The following NAV1 variants were observed in gnomAD, a reference collection of about 807,000 sequenced individuals.
NAV1 encodes the protein pore membrane and/or filament interacting like protein 3.
A neutral mutation model predicts 175.2 loss-of-function variants in NAV1; 18 were observed. The observed-to-expected ratio is 0.10, with a 90% CI of 0.07 to 0.15. NAV1 has a LOEUF of 0.15. NAV1 is among the 10% of genes least tolerant of loss of function. The pLI, the probability that NAV1 is intolerant of heterozygous loss-of-function variation, is 1.00. For missense variants in NAV1, 1,731 were observed against 2,436.6 expected, an observed-to-expected ratio of 0.71 and a Z score of 6.10; for synonymous variants, 897 against 978.7, an observed-to-expected ratio of 0.92 and a Z score of 1.56.
intron 2 of NAV1, among the ~76,000 whole-genome samples, chr1:201,595,864 C>T (rs1558011406): frequency 6.6e-6 from 1 of 152,258 alleles, no homozygotes; most frequent in Non-Finnish European, 1.5e-5. Context: ...CATGTCCTTC[C>T]TGATGCAGCA....
rs1553247042 is a variant in NAV1 at position 201,642,517 on chromosome 1, C to CTTTCTCTTTCTTTCTTTCTT, written c.5-6112_5-6111insCTTTCTTTCTTTCTTTTTCT. ...GTGAGCCACCGCACCCGGCCTCTTTCTTTCTTTTTTTCTTTCTTTCTTTCT... is the reference window on the plus strand; with the variant it reads ...GTGAGCCACCGCACCCGGCCTCTTTCTTTCTCTTTCTTTCTTTCTTTTTCTTTTTTTCTTTCTTTCTTTCT... On this transcript the variant is annotated intron_variant, in intron 2 of 29. Coordinates refer to the NAV1 transcript ENST00000367302. Among the ~76,000 whole-genome samples the CTTTCTCTTTCTTTCTTTCTT allele has an allele frequency of 5.9e-3, 698 of 118,428 alleles. 17 individuals are homozygous for CTTTCTCTTTCTTTCTTTCTT. The highest frequency in any genetic ancestry group is 0.024 in the African/African-American group (655 of 27,344). The allele number at this position is 118,428 out of a possible 152,430, so 77.7% of individuals were successfully genotyped here. A position where few individuals can be genotyped will look rare whatever the true frequency, so the allele number is the denominator to read the frequency against.
At chr1:201,705,354 T>C (rs887334630) in intron 1 of NAV1, among the ~76,000 whole-genome samples, 5 of 152,220 alleles carry the variant, frequency 3.3e-5, no homozygotes, top group African/African-American at 1.2e-4. Context: ...TTTTCTTTCC[T>C]TGCCTCACAC....
intron 1 of NAV1, among the ~76,000 whole-genome samples, chr1:201,564,167 C>T (rs1415216021): frequency 6.7e-6 from 1 of 149,846 alleles, no homozygotes; most frequent in Non-Finnish European, 1.5e-5. Context: ...GGAAGGCAGG[C>T]AGGCAGGCAG....
intron 1 of NAV1, among the ~76,000 whole-genome samples, chr1:201,708,005 G>A (rs922721095): frequency 1.3e-5 from 2 of 152,150 alleles, no homozygotes; most frequent in Admixed American, 1.3e-4. Flanking sequence ...AATGCCTCGT[G>A]GTGAACATTG....
At position 201,635,925 on chromosome 1, in the gene NAV1, A is replaced by G. The variant is rs531428736; in HGVS notation, c.4+6418A>G. ...GAATCTCTCCAGCTCAGACTGCTCC[A>G]TACAGCTTTAGAGGTTGTTATCCAG... On this transcript the variant is annotated intron_variant, in intron 2 of 29. Coordinates refer to the NAV1 transcript ENST00000367302. Among the ~76,000 whole-genome samples, 18 of 152,376 alleles carry G rather than the reference A, an allele frequency of 1.2e-4. No individual in the cohort carries two copies. The East Asian group carries it at 3.3e-3, about 28-fold the overall frequency.
intron 1 of NAV1, among the ~76,000 whole-genome samples, chr1:201,626,752 T>C (rs1325948353): frequency 6.6e-6 from 1 of 152,184 alleles, no homozygotes; most frequent in Non-Finnish European, 1.5e-5. Flanking sequence ...TGGACTTCAA[T>C]TGGAACTATG....
At chr1:201,695,286 C>T (rs1287007209) in intron 1 of NAV1, among the ~76,000 whole-genome samples, 1 of 152,246 alleles carries the variant, frequency 6.6e-6, no homozygotes, top group Non-Finnish European at 1.5e-5. Flanking sequence ...TTTCTCCTCT[C>T]CGGGCCCTTA....
At chr1:201,571,008 C>T (rs902733240) in intron 1 of NAV1, among the ~76,000 whole-genome samples, 1 of 152,276 alleles carries the variant, frequency 6.6e-6, no homozygotes, top group Admixed American at 6.5e-5. Flanking sequence ...TCCACCCCTG[C>T]CAGGGTCGAG....
At chr1:201,784,508 C>T (rs980645372) in intron 7 of NAV1, among the ~76,000 whole-genome samples, 2 of 151,924 alleles carry the variant, frequency 1.3e-5, no homozygotes, top group African/African-American at 4.8e-5. Flanking sequence ...CTCCCTTCCC[C>T]CTATATGCCA....
intron 3 of NAV1, among the ~76,000 whole-genome samples, chr1:201,752,623 T>A (rs543040636): frequency 5.7e-4 from 86 of 152,024 alleles, no homozygotes; most frequent in African/African-American, 1.9e-3. Flanking sequence ...TTTTTTTTTT[T>A]AATTGCTCTG....
At chr1:201,557,410 G>A (rs1299005907) in intron 1 of NAV1, among the ~76,000 whole-genome samples, 2 of 152,202 alleles carry the variant, frequency 1.3e-5, no homozygotes, top group South Asian at 2.1e-4. Context: ...CACATGCAAG[G>A]AATTAGGGGC....
At chr1:201,806,976 A>G (rs552134752) in intron 17 of NAV1, among the ~76,000 whole-genome samples, 3 of 152,114 alleles carry the variant, frequency 2.0e-5, no homozygotes, top group Non-Finnish European at 2.9e-5. Context: ...TTTGTCCCCT[A>G]TAACCTTTGA....
chr1:201,609,673 G>A (rs574373623), intron 2 of NAV1, among the ~76,000 whole-genome samples: 13 of 152,268 alleles, frequency 8.5e-5, no homozygotes, highest in African/African-American at 3.1e-4. Flanking sequence ...TCTGGCTGGC[G>A]GCTTGGGGGT....
At chr1:201,596,031 G>A (rs590877) in intron 2 of NAV1, among the ~76,000 whole-genome samples, 8 of 152,062 alleles carry the variant, frequency 5.3e-5, no homozygotes, top group Non-Finnish European at 1.2e-4. Flanking sequence ...AAATCTTAGC[G>A]ACCCCACGTC....
intron 2 of NAV1, among the ~76,000 whole-genome samples, chr1:201,638,283 T>C (rs1017280786): frequency 6.6e-6 from 1 of 152,166 alleles, no homozygotes; most frequent in Non-Finnish European, 1.5e-5. Context: ...CCCCAGGACA[T>C]AGGTCATGGG....
chr1:201,687,016 A>G (rs1294555108), intron 1 of NAV1, among the ~76,000 whole-genome samples: 1 of 152,228 alleles, frequency 6.6e-6, no homozygotes. Context: ...GAAACCTTTC[A>G]GCTCCTTGCC....
chr1:201,621,054 G>A (rs954989693), upstream of NAV1, among the ~76,000 whole-genome samples: 2 of 151,864 alleles, frequency 1.3e-5, no homozygotes, highest in African/African-American at 4.8e-5. Flanking sequence ...CCAAGTAGTG[G>A]GACTACAGGC....
intron 3 of NAV1, among the ~76,000 whole-genome samples, chr1:201,725,601 A>G (rs989302540): frequency 6.7e-6 from 1 of 149,090 alleles, no homozygotes. Flanking sequence ...GTGAGCTATG[A>G]TTGTGCCACT....
At position 201,813,396 on chromosome 1, in the gene NAV1, G is replaced by A; in HGVS notation, c.5340+138G>A. On this transcript the variant is annotated intron_variant, in intron 28 of 29. Transcript: ENST00000367296. The surrounding 1 kb of genome is among the most constrained non-coding windows in gnomAD (Gnocchi z 4.2). ...TCTAACAGGTGGAGCAAGGCACTGG[G>A]TAGACTAAGCTGCTTTCCTGCCTCC... 2 of 618,882 alleles carry A rather than the reference G, an allele frequency of 3.2e-6. No individual in the cohort carries two copies. Among genetic ancestry groups the A allele is most frequent in the South Asian group, 2.0e-5 (1 of 50,044 alleles). 38.3% of individuals were successfully genotyped at this position (618,882 alleles called of 1,614,324 possible).
Sources: gnomAD v4.1 joint callset for allele counts (sites outside exome capture counted in the v4.1 genomes callset) on GRCh38, gnomAD v4.1.1 for gene constraint, Gnocchi (gnomAD v3.1) non-coding constraint, MANE v1.5 for transcripts, NCBI Gene and HGNC (gene_info 2026-07-23, HGNC 2026-07-21) for gene names.